Variants in LAMP3 observed in about 807,000 individuals in gnomAD.
LAMP3 encodes lysosome-associated membrane glycoprotein 3.
LAMP3 carries 26 observed loss-of-function variants against 34.8 expected under a neutral mutation model. The observed-to-expected ratio is 0.75, with a 90% CI of 0.55 to 1.04. LAMP3 has a LOEUF of 1.04. Ranked by LOEUF, LAMP3 falls within the 50% of genes least tolerant of loss-of-function variation. The pLI, the probability that LAMP3 is intolerant of heterozygous loss-of-function variation, is 0.00. For missense variants in LAMP3, 495 were observed against 524.0 expected (o/e 0.94, Z 0.54); for synonymous variants, 180 against 201.9 (o/e 0.89, Z 0.92).
chr3:183,139,329 G>T (rs1006539342), intron 4 of LAMP3, among the ~76,000 whole-genome samples: 7 of 151,440 alleles, frequency 4.6e-5, no homozygotes, highest in Admixed American at 2.0e-4. Context: ...GGCAGAGATT[G>T]CAGTGAGCTG....
chr3:183,133,830 T>C (rs1719998798), intron 5 of LAMP3, among the ~76,000 whole-genome samples: 1 of 152,208 alleles, frequency 6.6e-6, no homozygotes, highest in African/African-American at 2.4e-5. Flanking sequence ...GAGTCTACTG[T>C]TTGGGATGAC....
chr3:183,150,180 C>T (rs915414179), intron 3 of LAMP3, among the ~76,000 whole-genome samples: 1 of 152,134 alleles, frequency 6.6e-6, no homozygotes, highest in African/African-American at 2.4e-5. Context: ...TCTTTCTGGA[C>T]ACTCATTTCC....
chr3:183,124,790 C>A (rs1202798468), intron 5 of LAMP3, among the ~76,000 whole-genome samples: 2 of 152,214 alleles, frequency 1.3e-5, no homozygotes, highest in Admixed American at 1.3e-4. Flanking sequence ...CGAGATCACA[C>A]CATTGCACTC....
In LAMP3 at chr3:183,122,635, G is replaced by A. The variant is rs933500434; in HGVS notation, c.*1446C>T. On this transcript the variant is annotated 3_prime_UTR_variant, in exon 6 of 6. Transcript: ENST00000265598. ...TTTATTTGATGCCTTCATCTTTACA[G>A]CCCAGCTAAGCAATCCCATAAAAAT... 2.6e-5 allele frequency: 4 copies of A among 152,186 alleles called. No individual in the cohort carries two copies. Among genetic ancestry groups the A allele is most frequent in the African/African-American group, 9.7e-5 (4 of 41,450 alleles). 9.4% of individuals were successfully genotyped at this position (152,186 alleles called of 1,614,324 possible).
chr3:183,153,174 C>CAA (rs750659929), intron 2 of LAMP3, among the ~76,000 whole-genome samples: 933 of 45,714 alleles, frequency 0.02, 38 homozygotes, highest in Middle Eastern at 0.056. Flanking sequence ...GACTCCGTCT[C>CAA]AAAAAAAAAA....
chr3:183,158,019 T>C (rs962350865), intron 1 of LAMP3: 4 of 152,414 alleles, frequency 2.6e-5, no homozygotes, highest in Admixed American at 1.3e-4. Flanking sequence ...GGCTGGCAAA[T>C]GGCTCAACCA....
intron 5 of LAMP3, among the ~76,000 whole-genome samples, chr3:183,124,793 T>C (rs150718651): frequency 0.035 from 5,249 of 152,128 alleles, 145 homozygotes; most frequent in Admixed American, 0.087. Flanking sequence ...GATCACACCA[T>C]TGCACTCCAG....
In LAMP3 at chr3:183,152,393, C is replaced by T. The variant is rs1348494795; in HGVS notation, c.870G>A (p.Val290=). The T allele has an allele frequency of 6.2e-7, 1 of 1,610,912 alleles. No homozygotes were observed. Among genetic ancestry groups the T allele is most frequent in the Non-Finnish European group, 8.5e-7 (1 of 1,178,772 alleles). Residue 290 remains valine (V), a synonymous_variant, in exon 3 of 6, where the codon GTG becomes GTA. Transcript: ENST00000265598. Reference sequence around the variant, plus strand: ...GCCTCACCTTGGTAAATGTGAGATTCACAAATCCGCCCTGAAAATTCAACA... The same window carrying T: ...GCCTCACCTTGGTAAATGTGAGATTTACAAATCCGCCCTGAAAATTCAACA... The part of the protein sequence containing the change: ...NLLLNFQGGF[V]NLTFTKDEES...
chr3:183,160,606 C>T (rs1438621945), intron 1 of LAMP3, among the ~76,000 whole-genome samples: 1 of 152,182 alleles, frequency 6.6e-6, no homozygotes, highest in African/African-American at 2.4e-5. Flanking sequence ...CTTAACCTGC[C>T]TCTGCCTCAG....
chr3:183,147,026 G>A (rs750620209), intron 3 of LAMP3, among the ~76,000 whole-genome samples: 4 of 151,902 alleles, frequency 2.6e-5, no homozygotes, highest in East Asian at 3.9e-4. Flanking sequence ...GGTGGATCAC[G>A]AGGTCAGGAG....
At chr3:183,132,217 A>G in intron 5 of LAMP3, 2 of 984,978 alleles carry the variant, frequency 2.0e-6, no homozygotes, top group Non-Finnish European at 1.2e-6. Flanking sequence ...CTTTAAATTA[A>G]AAAAGTGAAA....
intron 4 of LAMP3, among the ~76,000 whole-genome samples, chr3:183,140,260 A>T (rs1232898046): frequency 6.6e-6 from 1 of 151,896 alleles, no homozygotes; most frequent in Non-Finnish European, 1.5e-5. Context: ...TACAAAAATT[A>T]GCTGGGTGTG....
intron 2 of LAMP3, among the ~76,000 whole-genome samples, chr3:183,153,000 C>T (rs6762481): frequency 0.88 from 133,569 of 151,336 alleles, 58,992 homozygotes; most frequent in Middle Eastern, 0.92. Flanking sequence ...CTTAGTGAAA[C>T]CCCGTCTCTA....
chr3:183,150,863 T>C (rs974907035), intron 3 of LAMP3, among the ~76,000 whole-genome samples: 1 of 152,148 alleles, frequency 6.6e-6, no homozygotes, highest in Non-Finnish European at 1.5e-5. Flanking sequence ...ATCTCTATAG[T>C]TTAACTTCAA....
intron 5 of LAMP3, chr3:183,131,950 C>A (rs1251178220): frequency 1.0e-6 from 1 of 985,250 alleles, no homozygotes; most frequent in African/African-American, 1.7e-5. Context: ...TGAATGTTTG[C>A]GTAAAAGGGA....
At chr3:183,150,039 T>G (rs1219306072) in intron 3 of LAMP3, among the ~76,000 whole-genome samples, 2 of 152,080 alleles carry the variant, frequency 1.3e-5, no homozygotes, top group Non-Finnish European at 2.9e-5. Flanking sequence ...ATAAGGAACA[T>G]GTGGCTGGTG....
chr3:183,130,906 G>T (rs1467071977), intron 5 of LAMP3, among the ~76,000 whole-genome samples: 1 of 152,056 alleles, frequency 6.6e-6, no homozygotes, highest in East Asian at 1.9e-4. Context: ...CTCATCACAG[G>T]CTTCTTAGGG....
At position 183,135,978 on chromosome 3, in the gene LAMP3, C is replaced by G. The variant is rs138642794; in HGVS notation, c.947-91G>C. On this transcript the variant is annotated intron_variant, in intron 4 of 5. Transcript: ENST00000265598. ...GGGCTGCCTGTGCACAGCTAAATGG[C>G]CTTCCTTCCTTCCGAGGGGCTTTCT... 3.4e-4 allele frequency: 324 copies of G among 961,354 alleles called. No individual in the cohort carries two copies. In the African/African-American group the frequency reaches 4.6e-3, roughly 14 times the overall value. 59.6% of individuals were successfully genotyped at this position (961,354 alleles called of 1,614,324 possible).
chr3:183,156,632 G>T (rs1720830362), intron 1 of LAMP3, among the ~76,000 whole-genome samples: 1 of 152,116 alleles, frequency 6.6e-6, no homozygotes, highest in South Asian at 2.1e-4. Flanking sequence ...CTTCTAAGTG[G>T]TTACTTTTCT....
Sources: allele counts gnomAD v4.1 joint callset (sites outside exome capture counted in the v4.1 genomes callset), GRCh38; gene constraint gnomAD v4.1.1; transcripts MANE v1.5; gene names NCBI Gene and HGNC (gene_info 2026-07-23, HGNC 2026-07-21).